CSMD3: variants seen among roughly 807,000 people sequenced by gnomAD.
The protein encoded by CSMD3 is CUB and Sushi multiple domains 3, also known as CUB and sushi domain-containing protein 3.
A neutral mutation model predicts 435.2 loss-of-function variants in CSMD3; 177 were observed. That is an observed-to-expected ratio of 0.41 (90% confidence interval 0.36 to 0.46). The LOEUF (loss-of-function observed/expected upper bound fraction) is 0.46. CSMD3 is among the 20% of genes least tolerant of loss of function. The probability of loss-of-function intolerance (pLI) is 0.34; values close to 1 mark genes in which losing one functional copy is unlikely to be tolerated. For missense variants in CSMD3, 4,265 were observed against 4,504.6 expected (o/e 0.95, Z 1.52); for synonymous variants, 1,656 against 1,520.5 (o/e 1.09, Z -2.07).
chr8:112,803,093 G>A (rs1300348080), intron 12 of CSMD3, among the ~76,000 whole-genome samples: 1 of 151,996 alleles, frequency 6.6e-6, no homozygotes, highest in Non-Finnish European at 1.5e-5. Context: ...GCATTTATTG[G>A]ATACATATTA....
intron 53 of CSMD3, among the ~76,000 whole-genome samples, chr8:112,297,493 C>A (rs746162349): frequency 4.0e-5 from 6 of 151,858 alleles, no homozygotes; most frequent in Non-Finnish European, 7.4e-5. Flanking sequence ...TTATTTCAAT[C>A]TATGCAGAAA....
intron 27 of CSMD3, chr8:112,538,991 A>G (rs1332343111): frequency 6.5e-6 from 1 of 152,986 alleles, no homozygotes; most frequent in Non-Finnish European, 1.5e-5. Context: ...TCAGATGAAC[A>G]TAGATGCAAA....
intron 31 of CSMD3, among the ~76,000 whole-genome samples, chr8:112,473,721 A>ATTTTTTT (rs71309772): frequency 1.0e-3 from 137 of 131,292 alleles, no homozygotes; most frequent in African/African-American, 3.8e-3. Context: ...AGGAAGAGGG[A>ATTTTTTT]TTTTTTTTTT....
At chr8:113,417,896 A>G (rs931428576) in intron 1 of CSMD3, among the ~76,000 whole-genome samples, 1 of 152,080 alleles carries the variant, frequency 6.6e-6, no homozygotes, top group Non-Finnish European at 1.5e-5. Flanking sequence ...AGAAAAGATT[A>G]CAGGAGGATA....
Position 113,214,206 on chromosome 8 carries a change from A to G in CSMD3, c.515-40290T>C, listed in dbSNP as rs144126404. ...CATGTGTTGCTATGTCATTGTGTAT[A>G]TTTAATTTTATTTTTATGTTATTTT... On this transcript the variant is annotated intron_variant, in intron 3 of 70. Transcript: ENST00000297405. Among the ~76,000 whole-genome samples the G allele has an allele frequency of 2.9e-3, 441 of 152,048 alleles. 2 individuals are homozygous for G. Among genetic ancestry groups the G allele is most frequent in the African/African-American group, 9.7e-3 (402 of 41,536 alleles).
chr8:113,232,085 C>T (rs2093095210), intron 3 of CSMD3, among the ~76,000 whole-genome samples: 1 of 151,566 alleles, frequency 6.6e-6, no homozygotes, highest in African/African-American at 2.4e-5. Flanking sequence ...AATTTTATCT[C>T]ATTACTGAAA....
intron 5 of CSMD3, among the ~76,000 whole-genome samples, chr8:113,090,619 C>T (rs1026306590): frequency 6.6e-6 from 1 of 152,096 alleles, no homozygotes; most frequent in African/African-American, 2.4e-5. Context: ...CCTTTCTTCC[C>T]CATCCACACT....
intron 1 of CSMD3, among the ~76,000 whole-genome samples, chr8:113,410,732 T>C (rs980933426): frequency 1.0e-5 from 1 of 97,576 alleles, no homozygotes; most frequent in South Asian, 4.2e-4. Flanking sequence ...TGAGACCTCA[T>C]CTGTACTGGA....
In CSMD3 at chr8:112,560,299, G is replaced by T. The variant is rs188689467; in HGVS notation, c.4043-3345C>A. Among the ~76,000 whole-genome samples the T allele has an allele frequency of 2.5e-3, 380 of 151,698 alleles. 2 individuals carry two copies. Among genetic ancestry groups the T allele is most frequent in the African/African-American group, 8.9e-3 (368 of 41,474 alleles). On this transcript the variant is annotated intron_variant, in intron 24 of 70. Coordinates refer to ENST00000297405, the MANE Select transcript of CSMD3 (RefSeq NM_198123.2). The stretch of plus-strand genomic sequence containing the variant: ...AAATCATAGAATTATTTGTACCTTT[G>T]AATTCATTTGCAATGATTGTTTCTT...
chr8:113,355,653 G>C (rs1474145388), intron 1 of CSMD3, among the ~76,000 whole-genome samples: 1 of 148,186 alleles, frequency 6.7e-6, no homozygotes, highest in African/African-American at 2.5e-5. Context: ...CAAACATTCA[G>C]TCCATAGCAC....
At chr8:112,835,387 A>G (rs1215623782) in intron 11 of CSMD3, among the ~76,000 whole-genome samples, 3 of 151,874 alleles carry the variant, frequency 2.0e-5, no homozygotes, top group South Asian at 2.1e-4. Context: ...GAACATATTT[A>G]TATTATGTAA....
At chr8:113,100,121 T>C (rs897675669) in intron 4 of CSMD3, among the ~76,000 whole-genome samples, 1 of 152,126 alleles carries the variant, frequency 6.6e-6, no homozygotes, top group South Asian at 2.1e-4. Context: ...TCAAATAGTA[T>C]TAGCTTTTTT....
chr8:113,171,824 G>A (rs1481054956), intron 4 of CSMD3, among the ~76,000 whole-genome samples: 1 of 152,028 alleles, frequency 6.6e-6, no homozygotes, highest in Non-Finnish European at 1.5e-5. Context: ...TTTGTACCTG[G>A]TTATCCTTCT....
chr8:112,473,679 G>A (rs1186944817), intron 31 of CSMD3, among the ~76,000 whole-genome samples: 2 of 150,174 alleles, frequency 1.3e-5, no homozygotes, highest in Admixed American at 1.3e-4. Context: ...GAGTGTAAGA[G>A]TGGAGTTTTT....
chr8:112,654,873 C>A (rs548951217), intron 18 of CSMD3, among the ~76,000 whole-genome samples: 2 of 152,132 alleles, frequency 1.3e-5, no homozygotes. Flanking sequence ...CAATTAATTA[C>A]TAGTGAGAAT....
At chr8:113,282,483 A>T (rs1039565492) in intron 2 of CSMD3, among the ~76,000 whole-genome samples, 11 of 151,992 alleles carry the variant, frequency 7.2e-5, no homozygotes, top group African/African-American at 2.7e-4. Context: ...CCCTTTTATG[A>T]TAGCTGCAAA....
intron 61 of CSMD3, 115 bp downstream of exon 61, chr8:112,263,524 T>C (rs1369841236): frequency 1.5e-5 from 12 of 804,052 alleles, no homozygotes; most frequent in Non-Finnish European, 2.1e-5. Context: ...CATTGGTAAA[T>C]ACTGATTTTT....
intron 13 of CSMD3, among the ~76,000 whole-genome samples, chr8:112,774,858 TA>T (rs984775034): frequency 6.6e-6 from 1 of 152,048 alleles, no homozygotes; most frequent in African/African-American, 2.4e-5. Context: ...TATCCAAATA[TA>T]AATCATATAA....
chr8:113,129,508 T>G (rs991541840), intron 4 of CSMD3, among the ~76,000 whole-genome samples: 6 of 152,124 alleles, frequency 3.9e-5, no homozygotes, highest in Non-Finnish European at 8.8e-5. Context: ...AGATGGAAAT[T>G]TGTCATGCAA....
Sources: gnomAD v4.1 joint callset for allele counts (sites outside exome capture counted in the v4.1 genomes callset) on GRCh38, gnomAD v4.1.1 for gene constraint, MANE v1.5 for transcripts, NCBI Gene and HGNC (gene_info 2026-07-23, HGNC 2026-07-21) for gene names.